Variants in TMEM132C observed in about 807,000 individuals in gnomAD.
TMEM132C encodes the protein protein phosphatase 1, regulatory subunit 152.
A neutral mutation model predicts 61.4 loss-of-function variants in TMEM132C; 29 were observed. The observed-to-expected ratio is 0.47, with a 90% CI of 0.35 to 0.64. The LOEUF is 0.64. Among genes scored for constraint, TMEM132C ranks in the 30% least tolerant of loss-of-function variants. The probability of loss-of-function intolerance (pLI) is 0.00; values close to 1 mark genes in which losing one functional copy is unlikely to be tolerated. For missense variants in TMEM132C, 1,408 were observed against 1,476.9 expected, an observed-to-expected ratio of 0.95 and a Z score of 0.76; for synonymous variants, 656 against 633.1, an observed-to-expected ratio of 1.04 and a Z score of -0.54.
At chr12:128,648,171 A>G (rs1210310612) in intron 4 of TMEM132C, among the ~76,000 whole-genome samples, 4 of 131,524 alleles carry the variant, frequency 3.0e-5, no homozygotes, top group Admixed American at 2.3e-4. Context: ...CATCAACGTT[A>G]AATATGAGTG....
chr12:128,431,276 GA>G (rs1202145303), intron 2 of TMEM132C, among the ~76,000 whole-genome samples: 1 of 152,180 alleles, frequency 6.6e-6, no homozygotes, highest in Non-Finnish European at 1.5e-5. Context: ...CTAGTTCTGT[GA>G]AAAAGAATTC....
intron 2 of TMEM132C, among the ~76,000 whole-genome samples, chr12:128,460,651 G>A (rs543943101): frequency 1.6e-4 from 25 of 152,296 alleles, no homozygotes; most frequent in African/African-American, 3.9e-4. Context: ...GAGAATGGGC[G>A]TTGGACAAGC....
At chr12:128,391,002 A>G (rs1005571192) in intron 1 of TMEM132C, among the ~76,000 whole-genome samples, 1 of 152,192 alleles carries the variant, frequency 6.6e-6, no homozygotes, top group Non-Finnish European at 1.5e-5. Flanking sequence ...ATCAGCTTCC[A>G]GTGAGTGGAG....
intron 1 of TMEM132C, among the ~76,000 whole-genome samples, chr12:128,412,267 A>G (rs1210077825): frequency 6.6e-6 from 1 of 152,214 alleles, no homozygotes; most frequent in Non-Finnish European, 1.5e-5. Flanking sequence ...GGTCAGAACT[A>G]TACAAAAAAG....
chr12:128,668,433 AAAG>A (rs1954499673), intron 4 of TMEM132C, among the ~76,000 whole-genome samples: 1 of 152,176 alleles, frequency 6.6e-6, no homozygotes, highest in Admixed American at 6.5e-5. Context: ...ATAAAGTAAA[AAAG>A]AAAAAGAAAG....
chr12:128,352,012 G>GCATTTC, intron 1 of TMEM132C, among the ~76,000 whole-genome samples: 1 of 152,180 alleles, frequency 6.6e-6, no homozygotes, highest in South Asian at 2.1e-4. Flanking sequence ...CTGTCTGAAG[G>GCATTTC]CTGTCAGGCA....
intron 3 of TMEM132C, among the ~76,000 whole-genome samples, chr12:128,578,794 C>T (rs147609531): frequency 4.6e-5 from 7 of 152,190 alleles, no homozygotes; most frequent in South Asian, 4.1e-4. Flanking sequence ...GATGGGGTTT[C>T]GCCATGTTCG....
rs138652212 is a variant in TMEM132C at position 128,423,273 on chromosome 12, G to A, written c.974+7653G>A. ...CAGAAGGTGATGTTCTTTCCTAGCT[G>A]TGGGGTATGGGGACCTCCTGGTTCA... On this transcript the variant is annotated intron_variant, in intron 2 of 8. Coordinates refer to ENST00000435159, the MANE Select transcript of TMEM132C (RefSeq NM_001136103.3). Among the ~76,000 whole-genome samples the A allele has an allele frequency of 1.2e-3, 182 of 152,278 alleles. 2 individuals carry two copies. The highest frequency in any genetic ancestry group is 4.2e-3 in the African/African-American group (175 of 41,548).
intron 2 of TMEM132C, among the ~76,000 whole-genome samples, chr12:128,519,012 G>A (rs939990752): frequency 2.0e-5 from 3 of 152,126 alleles, no homozygotes; most frequent in African/African-American, 4.8e-5. Flanking sequence ...TGGAGAGAGT[G>A]GACTCTAAGG....
intron 1 of TMEM132C, among the ~76,000 whole-genome samples, chr12:128,381,795 T>G (rs1874409483): frequency 6.6e-6 from 1 of 152,150 alleles, no homozygotes; most frequent in Non-Finnish European, 1.5e-5. Flanking sequence ...GACACAAACT[T>G]CAGTGGCTCA....
At chr12:128,665,555 GCGCA>G (rs941854303) in intron 4 of TMEM132C, among the ~76,000 whole-genome samples, 20 of 101,850 alleles carry the variant, frequency 2.0e-4, no homozygotes, top group African/African-American at 1.0e-3. Flanking sequence ...AAAAATACAG[GCGCA>G]CACACACACA....
intron 3 of TMEM132C, among the ~76,000 whole-genome samples, chr12:128,545,523 GA>G: frequency 6.6e-6 from 1 of 152,292 alleles, no homozygotes; most frequent in South Asian, 2.1e-4. Flanking sequence ...AGTTCTTTGA[GA>G]AATCTCCAAA....
chr12:128,628,447 T>C (rs1435746358), intron 4 of TMEM132C, among the ~76,000 whole-genome samples: 2 of 152,214 alleles, frequency 1.3e-5, no homozygotes, highest in Non-Finnish European at 2.9e-5. Context: ...TTCAGGTCTG[T>C]GCTTACATCT....
At chr12:128,622,357 AAAAAT>A (rs1212135090) in intron 4 of TMEM132C, among the ~76,000 whole-genome samples, 17 of 60,250 alleles carry the variant, frequency 2.8e-4, no homozygotes, top group Non-Finnish European at 4.1e-4. Flanking sequence ...AAAAAAAAAA[AAAAAT>A]ATATATATAT....
intron 3 of TMEM132C, among the ~76,000 whole-genome samples, chr12:128,585,980 G>A (rs1875532069): frequency 6.6e-6 from 1 of 152,144 alleles, no homozygotes; most frequent in African/African-American, 2.4e-5. Flanking sequence ...GGTGACGGCT[G>A]CACAACAACA....
chr12:128,588,455 A>T (rs917597687), intron 3 of TMEM132C, among the ~76,000 whole-genome samples: 3 of 152,286 alleles, frequency 2.0e-5, no homozygotes, highest in Non-Finnish European at 4.4e-5. Flanking sequence ...AATTAAAAAA[A>T]ATCTGTTTCC....
At chr12:128,626,129 T>TTC (rs1405821127) in intron 4 of TMEM132C, among the ~76,000 whole-genome samples, 1 of 144,456 alleles carries the variant, frequency 6.9e-6, no homozygotes, top group Admixed American at 6.9e-5. Context: ...CTTTCTTTCT[T>TTC]TTTTTTTTTT....
At chr12:128,433,714 A>C (rs979738374) in intron 2 of TMEM132C, among the ~76,000 whole-genome samples, 1 of 152,142 alleles carries the variant, frequency 6.6e-6, no homozygotes, top group African/African-American at 2.4e-5. Context: ...AATTTGGAAA[A>C]TCAGAAAGGA....
rs557524262 is a variant in TMEM132C at position 128,605,224 on chromosome 12, C to T, written c.1122-10928C>T. Among the ~76,000 whole-genome samples, 4 of 152,106 alleles carry T rather than the reference C, an allele frequency of 2.6e-5. No homozygotes were observed. The South Asian group carries it at 6.2e-4, about 24-fold the overall frequency. ...GTCCCGAAAACTGCAGTTGTCAAGC[C>T]GAAGACCCAGGAGAGCCAGCAAAGT... On this transcript the variant is annotated intron_variant, in intron 3 of 8. Transcript: ENST00000435159.
Sources: gnomAD v4.1 joint callset for allele counts (sites outside exome capture counted in the v4.1 genomes callset) on GRCh38, gnomAD v4.1.1 for gene constraint, MANE v1.5 for transcripts, NCBI Gene and HGNC (gene_info 2026-07-23, HGNC 2026-07-21) for gene names.